PCDH15: variants seen among roughly 807,000 people sequenced by gnomAD.
PCDH15 encodes protocadherin-15.
A neutral mutation model predicts 178.5 loss-of-function variants in PCDH15; 129 were observed. The observed-to-expected ratio is 0.72, with a 90% CI of 0.63 to 0.84. The LOEUF is 0.84. Ranked by LOEUF, PCDH15 falls within the 40% of genes least tolerant of loss-of-function variation. The probability of loss-of-function intolerance (pLI) is 0.00; values close to 1 mark genes in which losing one functional copy is unlikely to be tolerated. For missense variants in PCDH15, 2,230 were observed against 2,099.9 expected (o/e 1.06, Z -1.21); for synonymous variants, 800 against 732.0 (o/e 1.09, Z -1.50).
chr10:54,864,149 T>A (rs1452735444), intron 3 of PCDH15, among the ~76,000 whole-genome samples: 1 of 152,146 alleles, frequency 6.6e-6, no homozygotes, highest in Non-Finnish European at 1.5e-5. Context: ...ATCTGTGATA[T>A]TTTCATACAC....
chr10:55,097,274 A>T (rs1194494054), intron 2 of PCDH15, among the ~76,000 whole-genome samples: 1 of 152,136 alleles, frequency 6.6e-6, no homozygotes, highest in East Asian at 1.9e-4. Flanking sequence ...CTTAATTCAA[A>T]TAACAACATT....
chr10:55,498,681 T>C (rs1282524879), intron 2 of PCDH15, among the ~76,000 whole-genome samples: 2 of 151,882 alleles, frequency 1.3e-5, no homozygotes, highest in Admixed American at 1.3e-4. Flanking sequence ...GCTATCTTCA[T>C]AATGAACCTG....
chr10:53,903,082 A>G (rs994104780), intron 26 of PCDH15, among the ~76,000 whole-genome samples, 161 bp downstream of exon 26: 1 of 152,152 alleles, frequency 6.6e-6, no homozygotes, highest in African/African-American at 2.4e-5. Flanking sequence ...TACCTGATAT[A>G]ATCTGTATTG....
intron 2 of PCDH15, among the ~76,000 whole-genome samples, chr10:55,621,316 T>G (rs559154539): frequency 1.3e-5 from 2 of 152,292 alleles, no homozygotes; most frequent in South Asian, 4.1e-4. Context: ...ATTTAATAAT[T>G]TATTAATTAT....
chr10:54,648,558 G>T (rs1192979110), intron 2 of PCDH15, among the ~76,000 whole-genome samples: 6 of 152,032 alleles, frequency 3.9e-5, no homozygotes, highest in Non-Finnish European at 8.8e-5. Flanking sequence ...ATGTAATTTT[G>T]TGTAACTTAA....
rs1243984998 is a variant in PCDH15, at chr10:54,697,692, G to A, written c.-28-33402C>T. The stretch of plus-strand genomic sequence containing the variant: ...GGGGAAGGGGAAGGGAGGAAGGGAG[G>A]AAGGGAGGAAGGGAGGGAGGAAGGG... On this transcript the variant is annotated intron_variant, in intron 1 of 37. Coordinates refer to ENST00000644397, the MANE Select transcript of PCDH15 (RefSeq NM_001384140.1). 1.8e-3 allele frequency among the ~76,000 whole-genome samples: 238 copies of A among 129,304 alleles called. 1 individual carries two copies. Among genetic ancestry groups the A allele is most frequent in the Non-Finnish European group, 3.4e-3 (205 of 60,778 alleles). 84.8% of individuals were successfully genotyped at this position (129,304 alleles called of 152,430 possible).
intron 1 of PCDH15, among the ~76,000 whole-genome samples, chr10:55,314,595 A>G (rs1843676990): frequency 6.6e-6 from 1 of 151,520 alleles, no homozygotes; most frequent in African/African-American, 2.4e-5. Context: ...AAAAAATTCC[A>G]ACTGCCTGTA....
chr10:54,736,388 T>C (rs1944120874), intron 1 of PCDH15, among the ~76,000 whole-genome samples: 1 of 152,076 alleles, frequency 6.6e-6, no homozygotes, highest in South Asian at 2.1e-4. Flanking sequence ...TATTTCTTTC[T>C]CTCTCACCCA....
intron 2 of PCDH15, among the ~76,000 whole-genome samples, chr10:55,451,143 C>T (rs941660936): frequency 8.5e-5 from 13 of 152,052 alleles, no homozygotes; most frequent in East Asian, 1.9e-4. Context: ...AGAGCCCATG[C>T]TCTTTTCATT....
At chr10:53,884,693 T>TAAGACAAG (rs2080966746) in intron 26 of PCDH15, among the ~76,000 whole-genome samples, 16 of 152,202 alleles carry the variant, frequency 1.1e-4, no homozygotes, top group Admixed American at 1.0e-3. Flanking sequence ...GCTTTATCTC[T>TAAGACAAG]ACACCTCTTT....
intron 2 of PCDH15, among the ~76,000 whole-genome samples, chr10:55,036,468 C>A (rs1320557837): frequency 6.6e-6 from 1 of 152,076 alleles, no homozygotes; most frequent in African/African-American, 2.4e-5. Flanking sequence ...TGGTTCCCTA[C>A]TCTGTAGTAT....
chr10:55,459,865 A>C, intron 2 of PCDH15, among the ~76,000 whole-genome samples: 1 of 152,092 alleles, frequency 6.6e-6, no homozygotes, highest in Admixed American at 6.6e-5. Context: ...GGTTATGTTC[A>C]AACTTCAATT....
chr10:54,261,259 A>G (rs1256094498), intron 8 of PCDH15, among the ~76,000 whole-genome samples: 1 of 152,160 alleles, frequency 6.6e-6, no homozygotes, highest in African/African-American at 2.4e-5. Context: ...TTAACACTAC[A>G]TGAAAATTTA....
At chr10:55,132,457 T>G (rs992529706) in intron 2 of PCDH15, among the ~76,000 whole-genome samples, 2 of 152,098 alleles carry the variant, frequency 1.3e-5, no homozygotes, top group African/African-American at 4.8e-5. Context: ...TTAAAAGAAA[T>G]AAAAAGCACG....
intron 1 of PCDH15, among the ~76,000 whole-genome samples, chr10:54,671,442 T>C (rs1440746247): frequency 1.3e-5 from 2 of 152,142 alleles, no homozygotes; most frequent in Non-Finnish European, 2.9e-5. Context: ...TATAATGTAA[T>C]ATAATAAAAG....
At chr10:54,735,749 A>G (rs1944019880) in intron 1 of PCDH15, among the ~76,000 whole-genome samples, 1 of 116,516 alleles carries the variant, frequency 8.6e-6, no homozygotes, top group South Asian at 3.1e-4. Context: ...CATCATTCTC[A>G]GTAAACTATC....
chr10:55,328,978 A>G (rs1018586600), intron 2 of PCDH15, among the ~76,000 whole-genome samples: 2 of 142,488 alleles, frequency 1.4e-5, no homozygotes, highest in African/African-American at 5.1e-5. Context: ...ATGTACACAA[A>G]CATTTGGAAA....
At chr10:54,931,158 G>A (rs913793615) in intron 2 of PCDH15, among the ~76,000 whole-genome samples, 5 of 152,092 alleles carry the variant, frequency 3.3e-5, no homozygotes, top group African/African-American at 1.2e-4. Flanking sequence ...TTTGAAAACT[G>A]GCATGAAGAG....
At chr10:55,098,554 A>G (rs1842496671) in intron 2 of PCDH15, among the ~76,000 whole-genome samples, 1 of 152,090 alleles carries the variant, frequency 6.6e-6, no homozygotes, top group African/African-American at 2.4e-5. Context: ...GACATGTTCA[A>G]AATGGTGGCT....
Sources: allele counts gnomAD v4.1 joint callset (sites outside exome capture counted in the v4.1 genomes callset), GRCh38; gene constraint gnomAD v4.1.1; transcripts MANE v1.5; gene names NCBI Gene and HGNC (gene_info 2026-07-23, HGNC 2026-07-21).